Variants in LHFPL3 observed in about 807,000 individuals in gnomAD.
LHFPL3 encodes the protein LHFPL tetraspan subfamily member 3.
In LHFPL3, 5 loss-of-function variants were observed where a neutral mutation model predicts 19.3. The observed-to-expected ratio is 0.26, with a 90% confidence interval of 0.14 to 0.54. The LOEUF (loss-of-function observed/expected upper bound fraction) is 0.54, where lower values mean the gene tolerates loss of function less well. Among genes scored for constraint, LHFPL3 ranks in the 20% least tolerant of loss-of-function variants. The probability of loss-of-function intolerance (pLI) is 0.94; values close to 1 mark genes in which losing one functional copy is unlikely to be tolerated. For synonymous variants in LHFPL3, 133 were observed against 126.2 expected (o/e 1.05, Z -0.36); for missense variants, 249 against 307.4 (o/e 0.81, Z 1.42).
intron 2 of LHFPL3, among the ~76,000 whole-genome samples, chr7:104,797,244 T>C (rs1193910274): frequency 6.6e-6 from 1 of 152,192 alleles, no homozygotes; most frequent in Non-Finnish European, 1.5e-5. Context: ...ACTAATGCTG[T>C]TCACCCAGCA....
At chr7:104,729,660 T>G (rs559174415) in intron 1 of LHFPL3, among the ~76,000 whole-genome samples, 1 of 152,286 alleles carries the variant, frequency 6.6e-6, no homozygotes, top group Admixed American at 6.5e-5. Context: ...CTTAACATCA[T>G]GTTCTCCAGG....
intron 1 of LHFPL3, among the ~76,000 whole-genome samples, chr7:104,405,766 C>T (rs1791401093): frequency 6.6e-6 from 1 of 152,142 alleles, no homozygotes; most frequent in Non-Finnish European, 1.5e-5. Flanking sequence ...TGGGGAAAAA[C>T]AGAGCATTTA....
At chr7:104,460,830 G>T (rs1376444563) in intron 1 of LHFPL3, among the ~76,000 whole-genome samples, 1 of 152,128 alleles carries the variant, frequency 6.6e-6, no homozygotes, top group Non-Finnish European at 1.5e-5. Flanking sequence ...TTGCTGTACA[G>T]AAGCTCTTAA....
chr7:104,851,436 G>A (rs1791413076), intron 2 of LHFPL3, among the ~76,000 whole-genome samples: 1 of 152,124 alleles, frequency 6.6e-6, no homozygotes, highest in Non-Finnish European at 1.5e-5. Flanking sequence ...TGGAGATTTA[G>A]TGATGCTTTC....
At chr7:104,439,279 A>G (rs545013479) in intron 1 of LHFPL3, among the ~76,000 whole-genome samples, 1 of 152,324 alleles carries the variant, frequency 6.6e-6, no homozygotes, top group East Asian at 1.9e-4. Flanking sequence ...GGATGAAGAG[A>G]AATTTCCTGA....
intron 1 of LHFPL3, among the ~76,000 whole-genome samples, chr7:104,698,852 A>G (rs960705732): frequency 6.6e-6 from 1 of 152,228 alleles, no homozygotes; most frequent in Non-Finnish European, 1.5e-5. Context: ...AACTTAATCA[A>G]AAAAGACCGA....
At chr7:104,469,224 G>A (rs908605313) in intron 1 of LHFPL3, among the ~76,000 whole-genome samples, 9 of 152,188 alleles carry the variant, frequency 5.9e-5, no homozygotes, top group Admixed American at 5.2e-4. Flanking sequence ...GCATTGTCCT[G>A]ATGAGGTCTA....
At chr7:104,704,389 G>A (rs1210154155) in intron 1 of LHFPL3, among the ~76,000 whole-genome samples, 3 of 152,058 alleles carry the variant, frequency 2.0e-5, no homozygotes, top group African/African-American at 7.2e-5. Flanking sequence ...ATATTAACCA[G>A]TCCTAGTCAT....
rs1405586331 is a variant in LHFPL3 at position 104,357,768 on chromosome 7, CCTCCTCCTTCTCCTG to C, written c.445+28559_445+28573del. ...TGGAATTTCTCCTCTTCCTCCTCCT[CCTCCTCCTTCTCCTG>C]CTCCTCCTTCTCCTCCAGCTTCCTC... is the stretch of plus-strand genomic sequence containing the variant. On this transcript the variant is annotated intron_variant, in intron 1 of 2. Transcript: ENST00000424859. Among the ~76,000 whole-genome samples, 84 of 152,142 alleles carry C rather than the reference CCTCCTCCTTCTCCTG, an allele frequency of 5.5e-4. 1 individual carries two copies. The South Asian group carries it at 8.7e-3, about 16-fold the overall frequency.
chr7:104,444,266 C>T lies in LHFPL3; in HGVS notation c.445+115042C>T, dbSNP rs576090234. On this transcript the variant is annotated intron_variant, in intron 1 of 2. Coordinates refer to ENST00000424859, the MANE Select transcript of LHFPL3 (RefSeq NM_199000.3). ...CATGCATGTTGGCTCTGGCCAGGTG[C>T]ACATCTCTGTAGAAAGCAAACAACA... 3.1e-4 allele frequency among the ~76,000 whole-genome samples: 47 copies of T among 152,288 alleles called. No individual in the cohort carries two copies. In the South Asian group the frequency reaches 9.5e-3, roughly 31 times the overall value.
At chr7:104,663,814 A>T (rs1340469811) in intron 1 of LHFPL3, among the ~76,000 whole-genome samples, 1 of 152,322 alleles carries the variant, frequency 6.6e-6, no homozygotes, top group South Asian at 2.1e-4. Flanking sequence ...ATCCATGTAA[A>T]TGAGAGGTCT....
chr7:104,384,589 C>G (rs888361463), intron 1 of LHFPL3, among the ~76,000 whole-genome samples: 1 of 151,356 alleles, frequency 6.6e-6, no homozygotes, highest in African/African-American at 2.4e-5. Context: ...GAGTTTGAGA[C>G]CAGCCTGATC....
intron 1 of LHFPL3, among the ~76,000 whole-genome samples, chr7:104,535,089 A>G (rs559265742): frequency 1.9e-4 from 29 of 152,250 alleles, no homozygotes; most frequent in African/African-American, 7.0e-4. Context: ...CTCCTAACCC[A>G]TGTTCCAGCT....
At chr7:104,555,639 T>C (rs867361407) in intron 1 of LHFPL3, among the ~76,000 whole-genome samples, 4 of 152,110 alleles carry the variant, frequency 2.6e-5, no homozygotes, top group South Asian at 2.1e-4. Context: ...GAGATTTGGG[T>C]GGGGACACAG....
At chr7:104,789,809 T>C (rs1303180599) in intron 2 of LHFPL3, among the ~76,000 whole-genome samples, 1 of 152,182 alleles carries the variant, frequency 6.6e-6, no homozygotes, top group South Asian at 2.1e-4. Context: ...TTGACTTAGA[T>C]GCCCTTCAAG....
At chr7:104,723,596 C>T (rs1793526559) in intron 1 of LHFPL3, among the ~76,000 whole-genome samples, 1 of 151,634 alleles carries the variant, frequency 6.6e-6, no homozygotes, top group Non-Finnish European at 1.5e-5. Flanking sequence ...GCGGTGGGCA[C>T]CTATAATCCC....
chr7:104,393,715 CA>C, intron 1 of LHFPL3, among the ~76,000 whole-genome samples: 1 of 150,650 alleles, frequency 6.6e-6, no homozygotes, highest in East Asian at 1.9e-4. Context: ...GACTCTGTCT[CA>C]AAAAAAGAAA....
chr7:104,600,377 A>G (rs540530524), intron 1 of LHFPL3, among the ~76,000 whole-genome samples: 3 of 152,300 alleles, frequency 2.0e-5, no homozygotes, highest in African/African-American at 7.2e-5. Flanking sequence ...AATTAATTCT[A>G]TACACTTTCC....
intron 1 of LHFPL3, among the ~76,000 whole-genome samples, chr7:104,349,045 C>A (rs2891724): frequency 0.47 from 71,251 of 151,894 alleles, 17,202 homozygotes; most frequent in East Asian, 0.72. Flanking sequence ...TCCTTCTCTT[C>A]TTCACAAATC....
Sources: allele counts gnomAD v4.1 joint callset (sites outside exome capture counted in the v4.1 genomes callset), GRCh38; gene constraint gnomAD v4.1.1; transcripts MANE v1.5; gene names NCBI Gene and HGNC (gene_info 2026-07-23, HGNC 2026-07-21).